The following IKZF1 variants were observed in gnomAD, a reference collection of about 807,000 sequenced individuals.
IKZF1 encodes the protein DNA-binding protein Ikaros.
Under a neutral mutation model 51.7 loss-of-function variants are expected in IKZF1, and 10 were observed. That is an observed-to-expected ratio of 0.19 (90% CI 0.12 to 0.33). IKZF1 has a LOEUF of 0.33. Among genes scored for constraint, IKZF1 ranks in the 10% least tolerant of loss-of-function variants. The probability of loss-of-function intolerance (pLI) is 1.00; values close to 1 mark genes in which losing one functional copy is unlikely to be tolerated. For missense variants in IKZF1, 484 were observed against 707.5 expected (o/e 0.68, Z 3.58); for synonymous variants, 280 against 282.3 (o/e 0.99, Z 0.08).
At chr7:50,371,889 T>G (rs148171884) in intron 3 of IKZF1, among the ~76,000 whole-genome samples, 1 of 152,338 alleles carries the variant, frequency 6.6e-6, no homozygotes, top group East Asian at 1.9e-4. Context: ...CTGTTTTTCT[T>G]TTTTCTGTCC....
At chr7:50,399,098 A>G (rs1817440471) in intron 7 of IKZF1, among the ~76,000 whole-genome samples, 1 of 152,238 alleles carries the variant, frequency 6.6e-6, no homozygotes, top group Non-Finnish European at 1.5e-5. Flanking sequence ...CTGAGGCGTC[A>G]ACAGTAGTTC....
At chr7:50,344,092 C>T (rs1799760996) in intron 3 of IKZF1, among the ~76,000 whole-genome samples, 1 of 152,196 alleles carries the variant, frequency 6.6e-6, no homozygotes, top group African/African-American at 2.4e-5. Context: ...GATTTTGAAG[C>T]AGAAGTCCTG....
At chr7:50,371,948 CACACTT>C (rs1808806381) in intron 3 of IKZF1, among the ~76,000 whole-genome samples, 1 of 152,224 alleles carries the variant, frequency 6.6e-6, no homozygotes, top group Non-Finnish European at 1.5e-5. Context: ...AAACCTTTTT[CACACTT>C]ACATGGGAAG....
At chr7:50,315,991 G>A (rs754431539) in intron 1 of IKZF1, among the ~76,000 whole-genome samples, 2 of 152,192 alleles carry the variant, frequency 1.3e-5, no homozygotes, top group Non-Finnish European at 2.9e-5. Flanking sequence ...TTTGTAAGCT[G>A]TCTTGGAAGA....
At position 50,382,536 on chromosome 7, in the gene IKZF1, C is replaced by T. The variant is rs1397566203; in HGVS notation, c.422-4C>T. ...TCTCACCAGCTCTCCTCTCTCCGTC[C>T]CAGGAGAACGGCCCTTCCAGTGCAA... On this transcript the variant is annotated splice_region_variant and splice_polypyrimidine_tract_variant and intron_variant, in intron 4 of 7. Coordinates refer to ENST00000331340, the MANE Select transcript of IKZF1 (RefSeq NM_006060.6). The T allele has an allele frequency of 6.2e-7, 1 of 1,611,190 alleles. No homozygotes were observed.
intron 3 of IKZF1, among the ~76,000 whole-genome samples, chr7:50,331,658 G>A (rs1470666336): frequency 6.6e-6 from 1 of 152,166 alleles, no homozygotes; most frequent in African/African-American, 2.4e-5. Flanking sequence ...AGGGTGCAAA[G>A]TTATACTGAT....
In IKZF1 at chr7:50,400,721, C is replaced by T; in HGVS notation, c.*94C>T. The T allele has an allele frequency of 7.3e-7, 1 of 1,372,660 alleles. No homozygotes were observed. Among genetic ancestry groups the T allele is most frequent in the Non-Finnish European group, 9.8e-7 (1 of 1,018,004 alleles). 85.0% of individuals were successfully genotyped at this position (1,372,660 alleles called of 1,614,324 possible). A position where few individuals can be genotyped will look rare whatever the true frequency, so the allele number is the denominator to read the frequency against. ...GCTCCCGCCAGCAGCATAGACTGGA[C>T]TGGACCAGACAATGTTGTGTTTGGA... On this transcript the variant is annotated 3_prime_UTR_variant, in exon 8 of 8. Transcript: ENST00000331340. The surrounding 1 kb of genome is among the most constrained non-coding windows in gnomAD (Gnocchi z 5.4).
chr7:50,329,878 G>A (rs1229692899), intron 3 of IKZF1, among the ~76,000 whole-genome samples: 1 of 152,252 alleles, frequency 6.6e-6, no homozygotes, highest in African/African-American at 2.4e-5. Context: ...TGCCCTTAGA[G>A]GCTGTGAGCC....
rs1458970641 is a variant in IKZF1, at chr7:50,376,210, C to G, written c.161-323C>G. Among the ~76,000 whole-genome samples the G allele has an allele frequency of 6.6e-6, 1 of 152,222 alleles. No homozygotes were observed. Among genetic ancestry groups the G allele is most frequent in the Admixed American group, 6.5e-5 (1 of 15,284 alleles). The stretch of plus-strand genomic sequence containing the variant: ...GCCTCAGACCACTCCTGACGTGAAC[C>G]TGCTTAAAGTGAGGGCCCAATTCTA... On this transcript the variant is annotated intron_variant, in intron 3 of 7. Transcript: ENST00000331340. This position sits in a 1 kb window ranked among gnomAD's most constrained non-coding sequence, Gnocchi z 4.5.
intron 1 of IKZF1, among the ~76,000 whole-genome samples, chr7:50,315,066 C>T (rs900378173): frequency 1.3e-5 from 2 of 152,242 alleles, no homozygotes; most frequent in African/African-American, 2.4e-5. Context: ...TCGGCTTGCC[C>T]GGCTTGCCCG....
rs117111762 is a variant in IKZF1 at position 50,368,201 on chromosome 7, A to G, written c.161-8332A>G. On this transcript the variant is annotated intron_variant, in intron 3 of 7. Coordinates refer to ENST00000331340, the MANE Select transcript of IKZF1 (RefSeq NM_006060.6). ...CTGTTCTATTCGTTAGACACCTACCATATCATTTTTGGGTATTTATACCAT... is the reference window on the plus strand; with the variant it reads ...CTGTTCTATTCGTTAGACACCTACCGTATCATTTTTGGGTATTTATACCAT... 5.5e-4 allele frequency: 390 copies of G among 703,392 alleles called. 2 individuals are homozygous for G. The highest frequency in any genetic ancestry group is 9.0e-4 in the Non-Finnish European group (348 of 385,110). 43.6% of individuals were successfully genotyped at this position (703,392 alleles called of 1,614,324 possible).
At chr7:50,390,700 T>C (rs1814798536) in intron 6 of IKZF1, among the ~76,000 whole-genome samples, 2 of 152,256 alleles carry the variant, frequency 1.3e-5, no homozygotes, top group South Asian at 2.1e-4. Flanking sequence ...GGTAACCATG[T>C]ATCATAAAGT....
chr7:50,363,212 G>A (rs79845978), intron 3 of IKZF1, among the ~76,000 whole-genome samples: 1,623 of 152,238 alleles, frequency 0.011, 36 homozygotes, highest in Non-Finnish European at 0.011. Context: ...GCAGAATGAC[G>A]AGGATCAAGC....
In IKZF1 at chr7:50,374,579, C is replaced by T. The variant is rs1333089104; in HGVS notation, c.161-1954C>T. Among the ~76,000 whole-genome samples the T allele has an allele frequency of 5.9e-5, 9 of 152,288 alleles. No homozygotes were observed. In the South Asian group the frequency reaches 1.7e-3, roughly 28 times the overall value. On this transcript the variant is annotated intron_variant, in intron 3 of 7. Coordinates refer to ENST00000331340, the MANE Select transcript of IKZF1 (RefSeq NM_006060.6). ...CTTGTGAAGGTTAAATGGCAGAGTACAATTAATGTGCTGTGTGCCCAGCGT... is the reference window on the plus strand; with the variant it reads ...CTTGTGAAGGTTAAATGGCAGAGTATAATTAATGTGCTGTGTGCCCAGCGT...
At chr7:50,325,063 C>T (rs1269580083) in intron 2 of IKZF1, among the ~76,000 whole-genome samples, 1 of 152,152 alleles carries the variant, frequency 6.6e-6, no homozygotes, top group East Asian at 1.9e-4. Flanking sequence ...TACATGTTTA[C>T]TCATTGGGAT....
chr7:50,386,911 C>T (rs1346324683), intron 5 of IKZF1, among the ~76,000 whole-genome samples: 6 of 152,324 alleles, frequency 3.9e-5, no homozygotes, highest in South Asian at 4.1e-4. Flanking sequence ...GTAGCACCAG[C>T]GTCATGACAG....
intron 3 of IKZF1, among the ~76,000 whole-genome samples, chr7:50,373,822 A>G (rs1464005830): frequency 1.3e-5 from 2 of 152,190 alleles, no homozygotes; most frequent in East Asian, 1.9e-4. Context: ...AGAGAACTCA[A>G]TGGTCATTAA....
rs1050783753 is a variant in IKZF1, at chr7:50,334,485, A to G, written c.160+6728A>G. ...CATGTAGTTGTATGTTGTGTGTGTCATATGTTTGTGTGTGCATGTATGTGT... is the reference window on the plus strand; with the variant it reads ...CATGTAGTTGTATGTTGTGTGTGTCGTATGTTTGTGTGTGCATGTATGTGT... On this transcript the variant is annotated intron_variant, in intron 3 of 7. Transcript: ENST00000331340. Among the ~76,000 whole-genome samples the G allele has an allele frequency of 2.6e-4, 40 of 151,228 alleles. No individual in the cohort carries two copies. In the South Asian group the frequency reaches 5.6e-3, roughly 21 times the overall value.
intron 3 of IKZF1, among the ~76,000 whole-genome samples, chr7:50,365,804 A>G (rs1001518025): frequency 1.3e-5 from 2 of 152,228 alleles, no homozygotes; most frequent in South Asian, 2.1e-4. Flanking sequence ...GAGTCATTCT[A>G]CCGTAAGACA....
Sources: gnomAD v4.1 joint callset for allele counts (sites outside exome capture counted in the v4.1 genomes callset) on GRCh38, gnomAD v4.1.1 for gene constraint, Gnocchi (gnomAD v3.1) non-coding constraint, MANE v1.5 for transcripts, NCBI Gene and HGNC (gene_info 2026-07-23, HGNC 2026-07-21) for gene names.